The following JARID2 variants were observed in gnomAD, a reference collection of about 807,000 sequenced individuals.
JARID2 encodes jumonji and AT-rich interaction domain containing 2, also known as protein Jumonji.
JARID2 carries 21 observed loss-of-function variants against 125.6 expected under a neutral mutation model. The ratio of observed to expected loss-of-function variants is 0.17; its 90% CI spans 0.12 to 0.24. The LOEUF (loss-of-function observed/expected upper bound fraction) is 0.24. Ranked by LOEUF, JARID2 falls within the 10% of genes least tolerant of loss-of-function variation. The pLI, the probability that JARID2 is intolerant of heterozygous loss-of-function variation, is 1.00. For missense variants in JARID2, 1,303 were observed against 1,639.6 expected (o/e 0.79, Z 3.55); for synonymous variants, 736 against 661.6 (o/e 1.11, Z -1.73).
intron 1 of JARID2, among the ~76,000 whole-genome samples, chr6:15,369,933 C>G (rs1764104835): frequency 6.6e-6 from 1 of 152,100 alleles, no homozygotes; most frequent in Non-Finnish European, 1.5e-5. Flanking sequence ...GGATGTCTCC[C>G]CTAGGACACC....
intron 5 of JARID2, among the ~76,000 whole-genome samples, chr6:15,469,517 C>G (rs1282638159): frequency 3.3e-5 from 5 of 150,108 alleles, no homozygotes; most frequent in African/African-American, 1.2e-4. Flanking sequence ...ACTGCCAGCT[C>G]TACCTCCCGG....
At chr6:15,255,893 G>T (rs910344926) in intron 1 of JARID2, among the ~76,000 whole-genome samples, 4 of 152,182 alleles carry the variant, frequency 2.6e-5, no homozygotes, top group African/African-American at 9.7e-5. Context: ...GGACAGGCTT[G>T]TGAATATATG....
intron 1 of JARID2, among the ~76,000 whole-genome samples, chr6:15,291,857 T>C (rs1561774426): frequency 6.6e-6 from 1 of 152,212 alleles, no homozygotes; most frequent in Non-Finnish European, 1.5e-5. Flanking sequence ...CTACTGTATA[T>C]ACAATTTTTG....
Position 15,501,041 on chromosome 6 carries a change from C to G in JARID2, c.2080C>G (p.Leu694Val). ...LRIPRTAQDR[L>V]AKLQEAYCQY... ...CATCCCCAGAACTGCCCAGGACCGG[C>G]TGGCCAAGCTGCAGGAGGCCTACTG... The change falls in exon 8 of 18, where the codon CTG becomes GTG. Residue 694 changes from leucine (L) to valine (V), a missense_variant. Physicochemically the swap from Leu to Val is conservative, Grantham distance 32. This residue lies in a region of JARID2 where 64 missense variants were observed against 166.8 expected (regional missense o/e 0.38). Coordinates refer to ENST00000341776, the MANE Select transcript of JARID2 (RefSeq NM_004973.4). 1.9e-6 allele frequency: 3 copies of G among 1,614,204 alleles called. No homozygotes were observed. The highest frequency in any genetic ancestry group is 4.5e-5 in the East Asian group (2 of 44,886).
intron 2 of JARID2, among the ~76,000 whole-genome samples, chr6:15,400,373 AAAAAACAAAT>A (rs1765378464): frequency 6.6e-6 from 1 of 152,160 alleles, no homozygotes; most frequent in Admixed American, 6.5e-5. Flanking sequence ...TTCCCAGCCA[AAAAAACAAAT>A]AAAAATAAAT....
chr6:15,514,569 C>T (rs550558479), intron 16 of JARID2, among the ~76,000 whole-genome samples: 2 of 152,184 alleles, frequency 1.3e-5, no homozygotes, highest in Non-Finnish European at 2.9e-5. Context: ...GCCGTCTCAC[C>T]CCGAGTCCTG....
At chr6:15,427,722 T>G (rs570434194) in intron 3 of JARID2, among the ~76,000 whole-genome samples, 1 of 152,280 alleles carries the variant, frequency 6.6e-6, no homozygotes, top group South Asian at 2.1e-4. Flanking sequence ...TGAATCTTCC[T>G]TAGTGTGAAT....
intron 1 of JARID2, among the ~76,000 whole-genome samples, chr6:15,366,883 CTTACA>C: frequency 6.6e-6 from 1 of 152,096 alleles, no homozygotes; most frequent in Non-Finnish European, 1.5e-5. Context: ...GTGTGTCACA[CTTACA>C]ATCCTGCTAT....
intron 13 of JARID2, 66 bp from the exon 14 acceptor site, chr6:15,512,142 C>T: frequency 1.4e-6 from 2 of 1,437,946 alleles, no homozygotes; most frequent in Non-Finnish European, 1.9e-6. Context: ...GCGCATACGT[C>T]ACCTGAAGAC....
chr6:15,248,043 G>A (rs1759252471), intron 1 of JARID2: 16 of 985,424 alleles, frequency 1.6e-5, no homozygotes, highest in Non-Finnish European at 1.8e-5. Flanking sequence ...CCTCGTTGAG[G>A]TGGAGAGCAG....
intron 1 of JARID2, among the ~76,000 whole-genome samples, chr6:15,295,744 A>G (rs946913342): frequency 6.6e-6 from 1 of 152,060 alleles, no homozygotes; most frequent in Non-Finnish European, 1.5e-5. Context: ...GTTTACTGCA[A>G]CCTCTGCCTC....
intron 1 of JARID2, among the ~76,000 whole-genome samples, chr6:15,346,685 TGCTTGTAGTGACCA>T (rs1462965045): frequency 6.6e-6 from 1 of 152,162 alleles, no homozygotes; most frequent in African/African-American, 2.4e-5. Flanking sequence ...AACGTCTGGA[TGCTTGTAGTGACCA>T]GCTTGTAGTG....
At chr6:15,450,355 A>G (rs1767864164) in intron 3 of JARID2, among the ~76,000 whole-genome samples, 1 of 152,126 alleles carries the variant, frequency 6.6e-6, no homozygotes, top group South Asian at 2.1e-4. Context: ...TTTTTAGTAG[A>G]GACGGGGTTT....
chr6:15,421,089 TC>T (rs1483699275), intron 3 of JARID2, among the ~76,000 whole-genome samples: 2 of 152,064 alleles, frequency 1.3e-5, no homozygotes, highest in African/African-American at 4.8e-5. Flanking sequence ...CACCTTGGCC[TC>T]CCCTTGTGTT....
chr6:15,433,818 A>G (rs986801353), intron 3 of JARID2, among the ~76,000 whole-genome samples: 2 of 152,092 alleles, frequency 1.3e-5, no homozygotes, highest in African/African-American at 4.8e-5. Flanking sequence ...AATTAGCATT[A>G]ATGGATGATA....
At chr6:15,305,845 TATTATGA>T (rs1581392831) in intron 1 of JARID2, among the ~76,000 whole-genome samples, 2 of 152,352 alleles carry the variant, frequency 1.3e-5, no homozygotes, top group East Asian at 3.9e-4. Flanking sequence ...TTGGACAGTG[TATTATGA>T]ATTTACAAGG....
intron 1 of JARID2, among the ~76,000 whole-genome samples, chr6:15,348,785 G>A (rs946260859): frequency 4.6e-5 from 7 of 152,236 alleles, no homozygotes; most frequent in African/African-American, 1.7e-4. Flanking sequence ...GAGAACTAGC[G>A]TGGGGAGCTC....
At chr6:15,506,627 CCGCTGCT>C (rs1771017857) in intron 9 of JARID2, among the ~76,000 whole-genome samples, 1 of 152,198 alleles carries the variant, frequency 6.6e-6, no homozygotes, top group Non-Finnish European at 1.5e-5. Flanking sequence ...AGCCTGGGCA[CCGCTGCT>C]TGCCTGTAGT....
chr6:15,334,852 A>C (rs910851414), intron 1 of JARID2, among the ~76,000 whole-genome samples: 11 of 152,224 alleles, frequency 7.2e-5, no homozygotes, highest in African/African-American at 2.7e-4. Context: ...ACTGGAATAT[A>C]ACTGCATATC....
Sources: allele counts gnomAD v4.1 joint callset (sites outside exome capture counted in the v4.1 genomes callset), GRCh38; gene constraint gnomAD v4.1.1; regional missense constraint gnomAD v4.1.1; transcripts MANE v1.5; gene names NCBI Gene and HGNC (gene_info 2026-07-23, HGNC 2026-07-21).